BCL11B: variants seen among roughly 807,000 people sequenced by gnomAD.
BCL11B encodes BCL11 transcription factor B.
Under a neutral mutation model 49.9 loss-of-function variants are expected in BCL11B, and 8 were observed. That is an observed-to-expected ratio of 0.16 (90% CI 0.09 to 0.29). The LOEUF (loss-of-function observed/expected upper bound fraction) is 0.29. Ranked by LOEUF, BCL11B falls within the 10% of genes least tolerant of loss-of-function variation. The pLI is 1.00. For synonymous variants in BCL11B, 739 were observed against 637.4 expected, an observed-to-expected ratio of 1.16 and a Z score of -2.40; for missense variants, 1,006 against 1,351.0, an observed-to-expected ratio of 0.74 and a Z score of 4.00.
At position 99,262,589 on chromosome 14, in the gene BCL11B, T is replaced by A. The variant is rs1889367467; in HGVS notation, c.59-4750A>T. Reference sequence around the variant, plus strand: ...TGTGTACGCATGTTTACAAGAAATGTTCAGCATCCATCCGCCCGAGCTCTG... The same window carrying A: ...TGTGTACGCATGTTTACAAGAAATGATCAGCATCCATCCGCCCGAGCTCTG... On this transcript the variant is annotated intron_variant, in intron 1 of 3. Transcript: ENST00000357195. The surrounding 1 kb of genome is among the most constrained non-coding windows in gnomAD (Gnocchi z 4.2). Among the ~76,000 whole-genome samples the A allele has an allele frequency of 6.6e-6, 1 of 152,184 alleles. No homozygotes were observed. The highest frequency in any genetic ancestry group is 2.4e-5 in the African/African-American group (1 of 41,448).
chr14:99,198,686 TGCACCTTCCGCACCTTCC>T (rs142605005), intron 3 of BCL11B, among the ~76,000 whole-genome samples: 1 of 151,808 alleles, frequency 6.6e-6, no homozygotes, highest in Non-Finnish European at 1.5e-5. Flanking sequence ...CCAAACAGAG[TGCACCTTCCGCACCTTCC>T]GCACCTTCCG....
chr14:99,217,111 T>C (rs573128511), intron 3 of BCL11B, among the ~76,000 whole-genome samples: 13 of 152,006 alleles, frequency 8.6e-5, no homozygotes, highest in African/African-American at 3.1e-4. Flanking sequence ...GACATGCAAA[T>C]ACACATACAC....
chr14:99,207,113 C>A (rs945417957), intron 3 of BCL11B, among the ~76,000 whole-genome samples: 2 of 152,184 alleles, frequency 1.3e-5, no homozygotes, highest in Non-Finnish European at 2.9e-5. Flanking sequence ...GAGGTAAATT[C>A]TAGGTTTTTA....
At chr14:99,206,031 A>G (rs1382394781) in intron 3 of BCL11B, among the ~76,000 whole-genome samples, 1 of 152,138 alleles carries the variant, frequency 6.6e-6, no homozygotes. Context: ...CTGAGCCAGC[A>G]AGGTTCATCC....
intron 3 of BCL11B, among the ~76,000 whole-genome samples, chr14:99,196,260 C>T (rs1441397891): frequency 6.6e-6 from 1 of 152,176 alleles, no homozygotes; most frequent in African/African-American, 2.4e-5. Flanking sequence ...TGTAACCAGG[C>T]AACCAGGGGA....
intron 3 of BCL11B, among the ~76,000 whole-genome samples, chr14:99,212,628 G>A (rs1353527203): frequency 2.0e-5 from 3 of 152,068 alleles, no homozygotes; most frequent in African/African-American, 7.2e-5. Flanking sequence ...AAGTACAGGG[G>A]CCCATCGGGG....
chr14:99,172,910 T>G lies in BCL11B; in HGVS notation c.*1241A>C, dbSNP rs1886337029. ...TTCTGATGGAACTCATCCCCTGCTTTTTCAGTAAAAGAGAATAGAAATTTG... is the reference window on the plus strand; with the variant it reads ...TTCTGATGGAACTCATCCCCTGCTTGTTCAGTAAAAGAGAATAGAAATTTG... On this transcript the variant is annotated 3_prime_UTR_variant, in exon 4 of 4. Coordinates refer to ENST00000357195, the MANE Select transcript of BCL11B (RefSeq NM_138576.4). The G allele has an allele frequency of 4.4e-6, 1 of 228,908 alleles. No homozygotes were observed. The highest frequency in any genetic ancestry group is 2.2e-5 in the African/African-American group (1 of 45,122). 14.2% of individuals were successfully genotyped at this position (228,908 alleles called of 1,614,324 possible).
At chr14:99,233,112 C>T (rs1195321351) in intron 2 of BCL11B, among the ~76,000 whole-genome samples, 1 of 152,138 alleles carries the variant, frequency 6.6e-6, no homozygotes, top group Non-Finnish European at 1.5e-5. Context: ...TAGTGCCATC[C>T]CTCAAGGAAG....
At chr14:99,240,517 G>T (rs1001792205) in intron 2 of BCL11B, among the ~76,000 whole-genome samples, 4 of 152,118 alleles carry the variant, frequency 2.6e-5, no homozygotes, top group Non-Finnish European at 5.9e-5. Flanking sequence ...AATTGAACAG[G>T]CCTGTAATTA....
At chr14:99,214,709 G>C (rs1887782331) in intron 3 of BCL11B, among the ~76,000 whole-genome samples, 1 of 152,134 alleles carries the variant, frequency 6.6e-6, no homozygotes, top group African/African-American at 2.4e-5. Flanking sequence ...ATGAGCATCT[G>C]GATGCAGCCT....
intron 2 of BCL11B, among the ~76,000 whole-genome samples, chr14:99,253,268 T>C (rs1396671189): frequency 1.3e-5 from 2 of 152,120 alleles, no homozygotes; most frequent in East Asian, 3.9e-4. Context: ...AGCAAAGAGA[T>C]CCTCAAGGGA....
intron 3 of BCL11B, among the ~76,000 whole-genome samples, chr14:99,219,004 A>G (rs1421877383): frequency 1.3e-5 from 2 of 152,018 alleles, no homozygotes; most frequent in East Asian, 1.9e-4. Flanking sequence ...TGGCCTCCCA[A>G]ACTGTGAGAA....
At chr14:99,266,908 G>A (rs373586438) in intron 1 of BCL11B, among the ~76,000 whole-genome samples, 5 of 152,246 alleles carry the variant, frequency 3.3e-5, no homozygotes, top group South Asian at 2.1e-4. Flanking sequence ...GGTGCAAGCC[G>A]TGTTCTAAGC....
intron 3 of BCL11B, among the ~76,000 whole-genome samples, chr14:99,188,476 T>C (rs1306113470): frequency 6.6e-6 from 1 of 152,068 alleles, no homozygotes; most frequent in Non-Finnish European, 1.5e-5. Flanking sequence ...TTTCTTTTCC[T>C]TTCTTTTGTT....
At chr14:99,211,075 C>T (rs749602298) in intron 3 of BCL11B, among the ~76,000 whole-genome samples, 10 of 152,196 alleles carry the variant, frequency 6.6e-5, no homozygotes, top group Non-Finnish European at 1.2e-4. Flanking sequence ...ATGCGGGCCC[C>T]GTCCTGAGCC....
intron 2 of BCL11B, among the ~76,000 whole-genome samples, chr14:99,244,661 G>A (rs759265547): frequency 2.0e-5 from 3 of 152,180 alleles, no homozygotes; most frequent in Non-Finnish European, 4.4e-5. Flanking sequence ...GCTCCCAAGT[G>A]TTGAATTTGT....
In BCL11B at chr14:99,247,619, C is replaced by T. The variant is rs1888885570; in HGVS notation, c.427+9852G>A. Among the ~76,000 whole-genome samples, 1 of 152,226 alleles carries T rather than the reference C, an allele frequency of 6.6e-6. No homozygotes were observed. Among genetic ancestry groups the T allele is most frequent in the African/African-American group, 2.4e-5 (1 of 41,456 alleles). On this transcript the variant is annotated intron_variant, in intron 2 of 3. Coordinates refer to ENST00000357195, the MANE Select transcript of BCL11B (RefSeq NM_138576.4). This position sits in a 1 kb window ranked among gnomAD's most constrained non-coding sequence, Gnocchi z 4.5. ...TGAAATAAAGCCACCTTCTCCACTC[C>T]TTTCCAGGATGCCTTTGGCACCTGC...
chr14:99,217,265 T>C (rs1887870619), intron 3 of BCL11B, among the ~76,000 whole-genome samples: 1 of 151,874 alleles, frequency 6.6e-6, no homozygotes, highest in South Asian at 2.1e-4. Flanking sequence ...TATGCTGACA[T>C]ATGCAAATAC....
At chr14:99,254,678 T>C (rs1889105814) in intron 2 of BCL11B, among the ~76,000 whole-genome samples, 2 of 152,126 alleles carry the variant, frequency 1.3e-5, no homozygotes, top group South Asian at 4.1e-4. Flanking sequence ...CATGGAGGGA[T>C]TGGAGGACTC....
Sources: allele counts gnomAD v4.1 joint callset (sites outside exome capture counted in the v4.1 genomes callset), GRCh38; gene constraint gnomAD v4.1.1; non-coding constraint Gnocchi (gnomAD v3.1); transcripts MANE v1.5; gene names NCBI Gene and HGNC (gene_info 2026-07-23, HGNC 2026-07-21).